Variants in KHNYN observed in about 807,000 individuals in gnomAD.
KHNYN encodes the protein protein KHNYN.
In KHNYN, 42 loss-of-function variants were observed where a neutral mutation model predicts 62.7. The observed-to-expected ratio is 0.67, with a 90% CI of 0.52 to 0.87. KHNYN has a LOEUF of 0.87. KHNYN is among the 40% of genes least tolerant of loss of function. The pLI is 0.00. For synonymous variants in KHNYN, 347 were observed against 345.6 expected (o/e 1.00, Z -0.04); for missense variants, 829 against 874.1 (o/e 0.95, Z 0.65).
At position 24,439,999 on chromosome 14, in the gene KHNYN, G is replaced by T; in HGVS notation, c.*2714G>T. ...GGAATCTAAGAACCAGATGGCTTCA[G>T]CTCTCTAGAGGAGCTGAGCCTATTC... On this transcript the variant is annotated 3_prime_UTR_variant, in exon 8 of 8. Transcript: ENST00000553935. 8.6e-7 allele frequency: 1 copy of T among 1,164,092 alleles called. No homozygotes were observed. The highest frequency in any genetic ancestry group is 2.5e-5 in the East Asian group (1 of 40,016). 72.1% of individuals were successfully genotyped at this position (1,164,092 alleles called of 1,614,324 possible).
Position 24,432,236 on chromosome 14 carries a change from T to C in KHNYN, c.975T>C (p.Pro325=), listed in dbSNP as rs1214541498. Residue 325 remains proline, a synonymous_variant, in exon 3 of 8, where the codon CCT becomes CCC. Transcript: ENST00000553935. The surrounding 1 kb of genome is among the most constrained non-coding windows in gnomAD (Gnocchi z 5.6). ...GAGGGTTCTGTGTCCACCGTGAGCCTCCCGGTGCCCATGGCTCCTGTCACA... is the reference window on the plus strand; with the variant it reads ...GAGGGTTCTGTGTCCACCGTGAGCCCCCCGGTGCCCATGGCTCCTGTCACA... The part of the protein sequence containing the change: ...GGGGFCVHRE[P]PGAHGSCHRA... 6.2e-7 allele frequency: 1 copy of C among 1,608,742 alleles called. No homozygotes were observed. The highest frequency in any genetic ancestry group is 8.5e-7 in the Non-Finnish European group (1 of 1,176,824).
intron 7 of KHNYN, among the ~76,000 whole-genome samples, chr14:24,436,822 A>G (rs1177450809): frequency 6.6e-6 from 1 of 152,236 alleles, no homozygotes; most frequent in Non-Finnish European, 1.5e-5. Context: ...GAACTAGATC[A>G]TAATAGTGGC....
upstream of KHNYN, chr14:24,426,474 CT>C: frequency 6.6e-6 from 1 of 152,010 alleles, no homozygotes; most frequent in Non-Finnish European, 1.5e-5. Context: ...AAAGTTATTT[CT>C]TTTCAAAACC....
At position 24,439,354 on chromosome 14, in the gene KHNYN, T is replaced by G. The variant is rs2043257182; in HGVS notation, c.*2069T>G. On this transcript the variant is annotated 3_prime_UTR_variant, in exon 8 of 8. Coordinates refer to ENST00000553935, the MANE Select transcript of KHNYN (RefSeq NM_015299.3). ...TCAGATGAGAGGCAAGTCCTAAGCT[T>G]CTTATAGACAGGGATGTTGACTTTG... 1.3e-5 allele frequency: 2 copies of G among 152,202 alleles called. No homozygotes were observed. Among genetic ancestry groups the G allele is most frequent in the Non-Finnish European group, 2.9e-5 (2 of 68,036 alleles). 9.4% of individuals were successfully genotyped at this position (152,202 alleles called of 1,614,324 possible). A position where few individuals can be genotyped will look rare whatever the true frequency, so the allele number is the denominator to read the frequency against.
At chr14:24,431,421 C>T in intron 2 of KHNYN, 42 bp from the exon 3 acceptor site, 2 of 1,502,336 alleles carry the variant, frequency 1.3e-6, no homozygotes, top group Admixed American at 2.0e-5. Context: ...TGATCTGGGC[C>T]AGTTAGTTTA....
chr14:24,432,338 C>A lies in KHNYN; in HGVS notation c.1077C>A (p.Ser359Arg). 4 of 1,614,044 alleles carry A rather than the reference C, an allele frequency of 2.5e-6. No homozygotes were observed. The highest frequency in any genetic ancestry group is 3.4e-6 in the Non-Finnish European group (4 of 1,179,998). Residue 359 changes from serine to arginine, a missense_variant, in exon 3 of 8, where the codon AGC becomes AGA. By Grantham distance (110) the Ser-to-Arg change is moderately radical. Coordinates refer to ENST00000553935, the MANE Select transcript of KHNYN (RefSeq NM_015299.3). This position sits in a 1 kb window ranked among gnomAD's most constrained non-coding sequence, Gnocchi z 5.6. ...ATGCCTCTCCTCCGAGGGTGCCCAG[C>A]CCTCCACCTGCACCGGAACCCCCAT... Reference protein sequence around the residue: ...NGNASPPRVPSPPPAPEPPWH... With the variant: ...NGNASPPRVPRPPPAPEPPWH...
rs1419714141 is a variant in KHNYN at position 24,440,513 on chromosome 14, G to C, written c.*3228G>C. On this transcript the variant is annotated 3_prime_UTR_variant, in exon 8 of 8. Coordinates refer to ENST00000553935, the MANE Select transcript of KHNYN (RefSeq NM_015299.3). ...AACCCCTAGAGCAGGAAAGAGGGAA[G>C]GTACAGGGGTCCTCTCAGCCTTGAA... 3 of 1,587,944 alleles carry C rather than the reference G, an allele frequency of 1.9e-6. No homozygotes were observed. The East Asian group carries it at 6.9e-5, about 37-fold the overall frequency.
chr14:24,433,458 C>T lies in KHNYN; in HGVS notation c.1577+426C>T, dbSNP rs144819800. ...TAACAAGTAAAATGGAGAAACACAA[C>T]GCATGAATAATAGGACTGTACAAAA... On this transcript the variant is annotated intron_variant, in intron 5 of 7. Coordinates refer to ENST00000553935, the MANE Select transcript of KHNYN (RefSeq NM_015299.3). Among the ~76,000 whole-genome samples the T allele has an allele frequency of 1.5e-3, 231 of 152,268 alleles. 1 individual carries two copies. The highest frequency in any genetic ancestry group is 3.3e-3 in the African/African-American group (137 of 41,552).
Position 24,430,778 on chromosome 14 carries a change from G to T in KHNYN, c.48G>T (p.Val16=), listed in dbSNP as rs1223930441. The change falls in exon 2 of 8, where the codon GTG becomes GTT. Residue 16 remains valine, a synonymous_variant. Coordinates refer to ENST00000553935, the MANE Select transcript of KHNYN (RefSeq NM_015299.3). ...CCGCGTCCCCAGATCGCTTTGCGGT[G>T]TCTGCGGAGGCTGAGAACAAGGTTC... is the stretch of plus-strand genomic sequence containing the variant. ...ARPASPDRFA[V]SAEAENKVRE... is the part of the protein sequence containing the mutation. 6.3e-7 allele frequency: 1 copy of T among 1,598,956 alleles called. No homozygotes were observed. Among genetic ancestry groups the T allele is most frequent in the South Asian group, 1.1e-5 (1 of 88,732 alleles).
rs1442978681 is a variant in KHNYN at position 24,434,699 on chromosome 14, G to A, written c.1578-1373G>A. Among the ~76,000 whole-genome samples the A allele has an allele frequency of 2.0e-5, 3 of 152,166 alleles. No individual in the cohort carries two copies. The East Asian group carries it at 5.8e-4, about 29-fold the overall frequency. ...ATTACAGGCGTGAGCCACCAAGCCC[G>A]GCCATAGACATTTGTATGTCATTCC... On this transcript the variant is annotated intron_variant, in intron 5 of 7. Coordinates refer to ENST00000553935, the MANE Select transcript of KHNYN (RefSeq NM_015299.3).
At chr14:24,431,345 G>A (rs2043108259) in intron 2 of KHNYN, 118 bp from the exon 3 acceptor site, 1 of 772,420 alleles carries the variant, frequency 1.3e-6, no homozygotes, top group Non-Finnish European at 2.0e-6. Flanking sequence ...CTCTAAAATG[G>A]GAATAACATC....
upstream of KHNYN, chr14:24,429,786 C>A (rs997731914): frequency 9.2e-7 from 1 of 1,083,664 alleles, no homozygotes. Context: ...GGGAGACAGA[C>A]GGGAGGGCTG....
At position 24,432,646 on chromosome 14, in the gene KHNYN, G is replaced by T; in HGVS notation, c.1349+36G>T. On this transcript the variant is annotated intron_variant, in intron 3 of 7. Transcript: ENST00000553935. The surrounding 1 kb of genome is among the most constrained non-coding windows in gnomAD (Gnocchi z 5.6). ...GGTGGGGCTAAGGGCCTAGGAGAGG[G>T]AGGATATGTCCTGAGGGGCTGGCAT... is the stretch of plus-strand genomic sequence containing the variant. The T allele has an allele frequency of 6.2e-7, 1 of 1,610,876 alleles. No individual in the cohort carries two copies. The highest frequency in any genetic ancestry group is 8.5e-7 in the Non-Finnish European group (1 of 1,177,676).
chr14:24,432,047 G>T lies in KHNYN; in HGVS notation c.786G>T (p.Gln262His). The T allele has an allele frequency of 6.3e-7, 1 of 1,596,274 alleles. No individual in the cohort carries two copies. The change falls in exon 3 of 8, where the codon CAG (glutamine) becomes CAT (histidine). Residue 262 changes from glutamine to histidine, a missense_variant. By Grantham distance (24) the Gln-to-His change is conservative (BLOSUM62 0). This residue lies in a region of KHNYN where 559 missense variants were observed against 527.0 expected (regional missense o/e 1.06). Coordinates refer to ENST00000553935, the MANE Select transcript of KHNYN (RefSeq NM_015299.3). This position sits in a 1 kb window ranked among gnomAD's most constrained non-coding sequence, Gnocchi z 5.6. ...TYAVEKEGGK[Q>H]GGPREMDWGW... ...CTGTGGAGAAGGAGGGAGGGAAACA[G>T]GGTGGTCCCAGGGAGATGGATTGGG...
intron 1 of KHNYN, chr14:24,430,394 A>T: frequency 9.3e-7 from 1 of 1,075,430 alleles, no homozygotes; most frequent in African/African-American, 1.6e-5. Flanking sequence ...GAAGCTTCAG[A>T]GTGCCCCAGG....
At position 24,436,991 on chromosome 14, in the gene KHNYN, C is replaced by T. The variant is rs539158696; in HGVS notation, c.1788-45C>T. The T allele has an allele frequency of 2.5e-6, 4 of 1,578,376 alleles. No homozygotes were observed. In the East Asian group the frequency reaches 6.8e-5, roughly 27 times the overall value. ...GGGGTGCCCACTAAGATCTAATTTC[C>T]CCCCCAGGATGCTCATCAGCTCTTT... is the stretch of plus-strand genomic sequence containing the variant. On this transcript the variant is annotated intron_variant, in intron 7 of 7. Transcript: ENST00000553935.
At chr14:24,433,766 G>A (rs762397591) in intron 5 of KHNYN, among the ~76,000 whole-genome samples, 1 of 152,206 alleles carries the variant, frequency 6.6e-6, no homozygotes, top group Non-Finnish European at 1.5e-5. Flanking sequence ...ATCTACAGTC[G>A]TGGAGACAGA....
In KHNYN at chr14:24,439,242, C is replaced by A. The variant is rs984585657; in HGVS notation, c.*1957C>A. 6.6e-6 allele frequency: 1 copy of A among 151,684 alleles called. No homozygotes were observed. Among genetic ancestry groups the A allele is most frequent in the African/African-American group, 2.4e-5 (1 of 41,260 alleles). 9.4% of individuals were successfully genotyped at this position (151,684 alleles called of 1,614,324 possible). ...TTCTTGATTGGTTTCTTGCCATTTTCACTTTCAGTGATGGTGGGTGTGCAG... is the reference window on the plus strand; with the variant it reads ...TTCTTGATTGGTTTCTTGCCATTTTAACTTTCAGTGATGGTGGGTGTGCAG... On this transcript the variant is annotated 3_prime_UTR_variant, in exon 8 of 8. Coordinates refer to ENST00000553935, the MANE Select transcript of KHNYN (RefSeq NM_015299.3).
Position 24,440,749 on chromosome 14 carries a change from C to A in KHNYN, c.*3464C>A. 6.2e-7 allele frequency: 1 copy of A among 1,610,042 alleles called. No homozygotes were observed. ...ACTTCCCCAGCCCAGAGAAGACATT[C>A]CAACCCTGTCTGATACCCAGGCCCG... On this transcript the variant is annotated 3_prime_UTR_variant, in exon 8 of 8. Transcript: ENST00000553935.
Sources: allele counts gnomAD v4.1 joint callset (sites outside exome capture counted in the v4.1 genomes callset), GRCh38; gene constraint gnomAD v4.1.1; regional missense constraint gnomAD v4.1.1; non-coding constraint Gnocchi (gnomAD v3.1); transcripts MANE v1.5; gene names NCBI Gene and HGNC (gene_info 2026-07-23, HGNC 2026-07-21).